PDZD2: variants seen among roughly 807,000 people sequenced by gnomAD.
PDZD2 encodes the protein PDZ domain containing 2, also known as PDZ domain-containing protein 2.
Under a neutral mutation model 220.7 loss-of-function variants are expected in PDZD2, and 90 were observed. That is an observed-to-expected ratio of 0.41 (90% confidence interval 0.34 to 0.49). The LOEUF is 0.49. Ranked by LOEUF, PDZD2 falls within the 20% of genes least tolerant of loss-of-function variation. The pLI, the probability that PDZD2 is intolerant of heterozygous loss-of-function variation, is 0.28. For synonymous variants in PDZD2, 1,375 were observed against 1,450.5 expected (o/e 0.95, Z 1.18); for missense variants, 3,174 against 3,608.5 (o/e 0.88, Z 3.08).
At position 31,863,880 on chromosome 5, in the gene PDZD2, T is replaced by A. The variant is rs542265711; in HGVS notation, c.476+64156T>A. On this transcript the variant is annotated intron_variant, in intron 2 of 24. Coordinates refer to ENST00000438447, the MANE Select transcript of PDZD2 (RefSeq NM_178140.4). Reference sequence around the variant, plus strand: ...ACCTTTTGTAGAACAAATAATTTTTTAAAAAAAGTCATAAGACATTTGTCC... The same window carrying A: ...ACCTTTTGTAGAACAAATAATTTTTAAAAAAAAGTCATAAGACATTTGTCC... Among the ~76,000 whole-genome samples the A allele has an allele frequency of 2.0e-3, 308 of 152,254 alleles. 1 individual carries two copies. The highest frequency in any genetic ancestry group is 5.8e-3 in the African/African-American group (243 of 41,546).
intron 6 of PDZD2, among the ~76,000 whole-genome samples, chr5:32,028,288 A>G (rs978892746): frequency 6.6e-6 from 1 of 152,190 alleles, no homozygotes; most frequent in Non-Finnish European, 1.5e-5. Context: ...GCTTTGAAAC[A>G]GTTACAGGAT....
chr5:31,776,489 T>TATTC (rs1359078202), intron 1 of PDZD2, among the ~76,000 whole-genome samples: 244 of 140,912 alleles, frequency 1.7e-3, no homozygotes, highest in South Asian at 3.3e-3. Flanking sequence ...TTTATTTATT[T>TATTC]ATTCATTTTT....
chr5:31,960,307 C>G (rs974850858), intron 2 of PDZD2, among the ~76,000 whole-genome samples: 2 of 152,020 alleles, frequency 1.3e-5, no homozygotes, highest in Admixed American at 1.3e-4. Flanking sequence ...ACCTCCACCC[C>G]CCAGGTTCAA....
chr5:31,955,359 G>T (rs1747570483), intron 2 of PDZD2, among the ~76,000 whole-genome samples: 1 of 151,886 alleles, frequency 6.6e-6, no homozygotes, highest in South Asian at 2.1e-4. Flanking sequence ...GCAGTGCAGT[G>T]GCATGATCTC....
intron 1 of PDZD2, among the ~76,000 whole-genome samples, chr5:31,729,242 G>A (rs932386989): frequency 2.6e-5 from 4 of 151,504 alleles, no homozygotes; most frequent in African/African-American, 9.7e-5. Flanking sequence ...GATTACAGGT[G>A]CCCGCCACTA....
intron 2 of PDZD2, among the ~76,000 whole-genome samples, chr5:31,865,501 G>A (rs1032923437): frequency 2.6e-5 from 4 of 151,080 alleles, no homozygotes; most frequent in African/African-American, 9.7e-5. Flanking sequence ...TTGTAGAGAT[G>A]GGGTCTCCCT....
At chr5:31,783,448 G>A (rs1279015947) in intron 1 of PDZD2, among the ~76,000 whole-genome samples, 3 of 152,178 alleles carry the variant, frequency 2.0e-5, no homozygotes, top group African/African-American at 7.2e-5. Flanking sequence ...CACCTCCTCA[G>A]GCGAGAAGAC....
intron 1 of PDZD2, among the ~76,000 whole-genome samples, chr5:31,783,003 C>T (rs183886417): frequency 6.6e-6 from 1 of 152,070 alleles, no homozygotes; most frequent in African/African-American, 2.4e-5. Context: ...CGTGAGCCAC[C>T]GTGCCTGGCC....
rs1174516966 is a variant in PDZD2, at chr5:32,089,128, G to A, written c.5680G>A (p.Ala1894Thr). Residue 1894 changes from alanine (A) to threonine (T), a missense_variant, in exon 20 of 25, where the codon GCC becomes ACC. Ala to Thr is a moderately conservative substitution (Grantham distance 58). This residue lies in a region of PDZD2 where 1,861 missense variants were observed against 2,001.0 expected (regional missense o/e 0.93). Transcript: ENST00000438447. ...GAAGAGGCTCAGCCTCAAGGGCAAG[G>A]CCAAAGTCAACTCTGAGGCCCCTGC... is the stretch of plus-strand genomic sequence containing the variant. Reference protein sequence around the residue: ...KLKRLSLKGKAKVNSEAPAAN... With the variant: ...KLKRLSLKGKTKVNSEAPAAN... 4 of 1,614,102 alleles carry A rather than the reference G, an allele frequency of 2.5e-6. No homozygotes were observed. Among genetic ancestry groups the A allele is most frequent in the South Asian group, 1.1e-5 (1 of 91,076 alleles).
chr5:31,906,699 C>A (rs952353433), intron 2 of PDZD2, among the ~76,000 whole-genome samples: 33 of 152,042 alleles, frequency 2.2e-4, no homozygotes, highest in African/African-American at 7.7e-4. Context: ...AAAAATTAGC[C>A]GGGCATGGTG....
At position 32,089,426 on chromosome 5, in the gene PDZD2, C is replaced by T; in HGVS notation, c.5978C>T (p.Pro1993Leu). The T allele has an allele frequency of 6.2e-7, 1 of 1,614,106 alleles. No homozygotes were observed. The highest frequency in any genetic ancestry group is 8.5e-7 in the Non-Finnish European group (1 of 1,180,040). ...CCCCTGACCTCTCCCAAGCCTGTTC[C>T]TGAGCAAGGCATGTGGAGCAGGTTC... is the stretch of plus-strand genomic sequence containing the variant. ...VSPLTSPKPV[P>L]EQGMWSRFHM... The change falls in exon 20 of 25, where the codon CCT becomes CTT. Residue 1993 changes from proline to leucine, a missense_variant. Physicochemically the swap from Pro to Leu is moderately conservative, Grantham distance 98 (BLOSUM62 -3). Transcript: ENST00000438447.
intron 2 of PDZD2, among the ~76,000 whole-genome samples, chr5:31,824,376 A>C (rs952341006): frequency 7.8e-6 from 1 of 128,772 alleles, no homozygotes; most frequent in Non-Finnish European, 1.7e-5. Flanking sequence ...GCAATTTAGT[A>C]CTTGATCCCT....
rs1356444002 is a variant in PDZD2, at chr5:32,041,706, G to A, written c.1519+4364G>A. Among the ~76,000 whole-genome samples the A allele has an allele frequency of 4.0e-5, 6 of 151,832 alleles. No individual in the cohort carries two copies. In the East Asian group the frequency reaches 9.6e-4, roughly 24 times the overall value. On this transcript the variant is annotated intron_variant, in intron 7 of 24. Coordinates refer to ENST00000438447, the MANE Select transcript of PDZD2 (RefSeq NM_178140.4). ...AGTACCCAGGGACACAAACACTGCG[G>A]AAGGCCACAGGGACCTCTGCCTAGG...
chr5:31,672,422 G>T (rs1746250745), intron 1 of PDZD2, among the ~76,000 whole-genome samples: 1 of 152,140 alleles, frequency 6.6e-6, no homozygotes, highest in South Asian at 2.1e-4. Flanking sequence ...TGTGGGATTT[G>T]GCCAGTCCCT....
chr5:31,803,043 G>A (rs1754491851), intron 2 of PDZD2, among the ~76,000 whole-genome samples: 2 of 151,744 alleles, frequency 1.3e-5, no homozygotes, highest in Non-Finnish European at 2.9e-5. Flanking sequence ...AGGGGTCAGT[G>A]AGGAGGCAGA....
intron 1 of PDZD2, among the ~76,000 whole-genome samples, chr5:31,709,501 AAAGG>A (rs1747989337): frequency 5.7e-5 from 2 of 34,918 alleles, no homozygotes; most frequent in Admixed American, 2.2e-4. Context: ...AAATAAAATA[AAAGG>A]TGAGAGAAAA....
At chr5:31,720,624 T>C (rs11959398) in intron 1 of PDZD2, among the ~76,000 whole-genome samples, 31,464 of 152,144 alleles carry the variant, frequency 0.21, 3,329 homozygotes, top group African/African-American at 0.21. Context: ...TTAACAAAGT[T>C]TGGACCGCCA....
rs1742178763 is a variant in PDZD2 at position 32,083,624 on chromosome 5, C to T, written c.3683-3507C>T. On this transcript the variant is annotated intron_variant, in intron 19 of 24. Transcript: ENST00000438447. This position sits in a 1 kb window ranked among gnomAD's most constrained non-coding sequence, Gnocchi z 4.1. The stretch of plus-strand genomic sequence containing the variant: ...TAAGTTACAGACTTTGCAATAAAGT[C>T]AAATTGCTAACATGAATTGCCTGTT... 1 of 152,128 alleles carries T rather than the reference C, an allele frequency of 6.6e-6. No individual in the cohort carries two copies. The allele number at this position is 152,128 out of a possible 1,614,324, so 9.4% of individuals were successfully genotyped here. A position where few individuals can be genotyped will look rare whatever the true frequency, so the allele number is the denominator to read the frequency against.
intron 21 of PDZD2, among the ~76,000 whole-genome samples, chr5:32,095,490 G>A (rs1300972362): frequency 2.0e-5 from 3 of 152,028 alleles, no homozygotes; most frequent in South Asian, 4.1e-4. Context: ...TCGAGGCTTC[G>A]AGGCTGAAAA....
Sources: allele counts gnomAD v4.1 joint callset (sites outside exome capture counted in the v4.1 genomes callset), GRCh38; gene constraint gnomAD v4.1.1; regional missense constraint gnomAD v4.1.1; non-coding constraint Gnocchi (gnomAD v3.1); transcripts MANE v1.5; gene names NCBI Gene and HGNC (gene_info 2026-07-23, HGNC 2026-07-21).